The following SLC35D1 variants were observed in gnomAD, a reference collection of about 807,000 sequenced individuals.
The protein encoded by SLC35D1 is solute carrier family 35 member D1, also known as nucleotide sugar transporter SLC35D1.
In SLC35D1, 31 loss-of-function variants were observed where a neutral mutation model predicts 46.7. The observed-to-expected ratio is 0.66, with a 90% CI of 0.50 to 0.90. SLC35D1 has a LOEUF of 0.90. Among genes scored for constraint, SLC35D1 ranks in the 40% least tolerant of loss-of-function variants. The pLI is 0.00. For synonymous variants in SLC35D1, 195 were observed against 164.6 expected (o/e 1.18, Z -1.41); for missense variants, 397 against 426.2 (o/e 0.93, Z 0.60).
the SLC35D1 span, among the ~76,000 whole-genome samples, chr1:66,975,342 CA>C: frequency 6.6e-6 from 1 of 151,878 alleles, no homozygotes; most frequent in Non-Finnish European, 1.5e-5. Context: ...GCCTAGGCAA[CA>C]TGGCAAAACC....
chr1:67,042,780 G>A (rs978021805), intron 7 of SLC35D1, among the ~76,000 whole-genome samples: 2 of 152,180 alleles, frequency 1.3e-5, no homozygotes, highest in African/African-American at 2.4e-5. Flanking sequence ...AAAGATGGAT[G>A]AGGCCGGATA....
In SLC35D1 at chr1:67,052,893, C is replaced by T. The variant is rs1321740782; in HGVS notation, c.238-36G>A. ...GAGAACACAGATTCACTGTTCTACA[C>T]ATAAAGACACACACAGAAGTTCTAA... On this transcript the variant is annotated intron_variant, in intron 2 of 11. Coordinates refer to ENST00000235345, the MANE Select transcript of SLC35D1 (RefSeq NM_015139.3). The T allele has an allele frequency of 2.5e-6, 4 of 1,613,764 alleles. No homozygotes were observed. In the Admixed American group the frequency reaches 5.0e-5, roughly 20 times the overall value.
chr1:67,032,980 A>C (rs1668047868), intron 8 of SLC35D1, among the ~76,000 whole-genome samples: 1 of 152,216 alleles, frequency 6.6e-6, no homozygotes, highest in South Asian at 2.1e-4. Flanking sequence ...TCCCATAAAT[A>C]AATGAGAACA....
chr1:66,989,287 CTT>C, the SLC35D1 span, among the ~76,000 whole-genome samples: 1 of 152,128 alleles, frequency 6.6e-6, no homozygotes, highest in Admixed American at 6.5e-5. Context: ...AGAACATTCA[CTT>C]TTTGGTATTC....
At chr1:66,986,375 A>C in the SLC35D1 span, 1 of 1,603,768 alleles carries the variant, frequency 6.2e-7, no homozygotes, top group African/African-American at 1.3e-5. Context: ...TTTATAAAAT[A>C]TTAATTATTC....
downstream of SLC35D1, among the ~76,000 whole-genome samples, chr1:66,995,472 A>AAAAAAAAAAC (rs1667230045): frequency 9.8e-6 from 1 of 102,170 alleles, no homozygotes; most frequent in African/African-American, 3.8e-5. Context: ...AAAAAAAAAA[A>AAAAAAAAAAC]AAAAAAAAAA....
chr1:67,052,865 C>T lies in SLC35D1; in HGVS notation c.238-8G>A. On this transcript the variant is annotated splice_polypyrimidine_tract_variant and splice_region_variant and intron_variant, in intron 2 of 11. Coordinates refer to ENST00000235345, the MANE Select transcript of SLC35D1 (RefSeq NM_015139.3). ...TGCCACTGTGGCCACCATCTGTAAA[C>T]AAGAGAACACAGATTCACTGTTCTA... The T allele has an allele frequency of 6.2e-7, 1 of 1,614,098 alleles. No homozygotes were observed. Among genetic ancestry groups the T allele is most frequent in the African/African-American group, 1.3e-5 (1 of 75,016 alleles).
chr1:66,989,758 T>A, the SLC35D1 span, among the ~76,000 whole-genome samples: 2 of 152,210 alleles, frequency 1.3e-5, no homozygotes, highest in South Asian at 4.1e-4. Flanking sequence ...CCACCATGTC[T>A]GAGCTTAAAC....
the SLC35D1 span, chr1:66,985,818 T>A: frequency 5.9e-6 from 3 of 505,552 alleles, no homozygotes; most frequent in African/African-American, 1.3e-4. Flanking sequence ...TATAAAATTT[T>A]TTTTTTTTTT....
chr1:67,028,759 TC>T (rs1360620079), intron 8 of SLC35D1, among the ~76,000 whole-genome samples: 3 of 152,178 alleles, frequency 2.0e-5, no homozygotes, highest in Non-Finnish European at 2.9e-5. Context: ...TGCTTTACAA[TC>T]TTTTTTCCTC....
At chr1:67,043,839 G>A (rs1017011884) in intron 7 of SLC35D1, among the ~76,000 whole-genome samples, 3 of 152,184 alleles carry the variant, frequency 2.0e-5, no homozygotes, top group African/African-American at 7.2e-5. Flanking sequence ...ACACTTCTGG[G>A]ACATTCAGCA....
chr1:67,020,991 GCACCTGCT>G (rs1245616865), intron 9 of SLC35D1, among the ~76,000 whole-genome samples: 1 of 152,158 alleles, frequency 6.6e-6, no homozygotes, highest in African/African-American at 2.4e-5. Context: ...TTATTTTGAA[GCACCTGCT>G]CACTGTGTGC....
At chr1:66,985,814 A>ATTTTTTTTTTTTTTTTTT in the SLC35D1 span, 1 of 578,690 alleles carries the variant, frequency 1.7e-6, no homozygotes, top group Non-Finnish European at 2.1e-6. Context: ...GGATTATAAA[A>ATTTTTTTTTTTTTTTTTT]TTTTTTTTTT....
chr1:67,049,710 T>C (rs1481279151), intron 6 of SLC35D1, 72 bp downstream of exon 6: 42 of 1,340,750 alleles, frequency 3.1e-5, no homozygotes, highest in Admixed American at 7.3e-5. Flanking sequence ...AAAATTGTTA[T>C]TGATAAGCAA....
intron 8 of SLC35D1, among the ~76,000 whole-genome samples, chr1:67,041,763 T>C (rs1645186305): frequency 1.3e-5 from 2 of 152,036 alleles, no homozygotes; most frequent in South Asian, 2.1e-4. Context: ...TGCCACACAA[T>C]GCTAAATATC....
chr1:66,994,913 CA>C (rs1203824877), downstream of SLC35D1, among the ~76,000 whole-genome samples: 50 of 68,764 alleles, frequency 7.3e-4, no homozygotes, highest in South Asian at 0.017. Context: ...CACATTTAGG[CA>C]AAAAAAGAAA....
At chr1:67,032,759 TACAA>T (rs1457334664) in intron 8 of SLC35D1, among the ~76,000 whole-genome samples, 2 of 152,202 alleles carry the variant, frequency 1.3e-5, no homozygotes, top group Non-Finnish European at 2.9e-5. Flanking sequence ...TCCTTTGTAT[TACAA>T]ACAATCCAAT....
chr1:67,011,204 T>C (rs1194856779), intron 10 of SLC35D1, among the ~76,000 whole-genome samples: 1 of 152,206 alleles, frequency 6.6e-6, no homozygotes, highest in African/African-American at 2.4e-5. Flanking sequence ...ATATTCTCCA[T>C]ATACACATCA....
At chr1:66,985,247 T>G in the SLC35D1 span, 1 of 974,258 alleles carries the variant, frequency 1.0e-6, no homozygotes, top group African/African-American at 1.8e-5. Context: ...GTATTAATCA[T>G]AAAATTTCAC....
Sources: allele counts gnomAD v4.1 joint callset (sites outside exome capture counted in the v4.1 genomes callset), GRCh38; gene constraint gnomAD v4.1.1; transcripts MANE v1.5; gene names NCBI Gene and HGNC (gene_info 2026-07-23, HGNC 2026-07-21).